The following CCSER1 variants were observed in gnomAD, a reference collection of about 807,000 sequenced individuals.
The protein encoded by CCSER1 is coiled-coil serine rich protein 1.
CCSER1 carries 41 observed loss-of-function variants against 82.0 expected under a neutral mutation model. The ratio of observed to expected loss-of-function variants is 0.50; its 90% CI spans 0.39 to 0.65. The LOEUF (loss-of-function observed/expected upper bound fraction) is 0.65. Ranked by LOEUF, CCSER1 falls within the 30% of genes least tolerant of loss-of-function variation. CCSER1 has a pLI of 0.00. For missense variants in CCSER1, 1,119 were observed against 1,064.2 expected, an observed-to-expected ratio of 1.05 and a Z score of -0.72; for synonymous variants, 414 against 383.9, an observed-to-expected ratio of 1.08 and a Z score of -0.92.
intron 5 of CCSER1, among the ~76,000 whole-genome samples, chr4:90,558,063 A>G (rs1339177429): frequency 6.6e-6 from 1 of 152,168 alleles, no homozygotes; most frequent in African/African-American, 2.4e-5. Context: ...AAAATATGCA[A>G]CTAAGAAGGT....
At chr4:91,505,163 C>G (rs1759419983) in intron 10 of CCSER1, among the ~76,000 whole-genome samples, 3 of 152,168 alleles carry the variant, frequency 2.0e-5, no homozygotes, top group African/African-American at 7.2e-5. Context: ...CATCGTTCAG[C>G]TTCTCCCACT....
At chr4:90,307,433 T>C (rs1271097399) in intron 1 of CCSER1, among the ~76,000 whole-genome samples, 2 of 148,086 alleles carry the variant, frequency 1.4e-5, no homozygotes, top group Non-Finnish European at 3.0e-5. Context: ...CTATGTTATA[T>C]CCTTGTGATT....
chr4:90,906,779 G>T (rs1266724639), intron 8 of CCSER1, among the ~76,000 whole-genome samples: 1 of 151,818 alleles, frequency 6.6e-6, no homozygotes, highest in Non-Finnish European at 1.5e-5. Context: ...GTGATGCAAG[G>T]GTTCTGGTTT....
At chr4:91,056,208 GT>G (rs906416822) in intron 9 of CCSER1, among the ~76,000 whole-genome samples, 1 of 151,830 alleles carries the variant, frequency 6.6e-6, no homozygotes, top group Middle Eastern at 3.2e-3. Flanking sequence ...TTGTTGGTTT[GT>G]TTTTTCCTTT....
At chr4:90,705,366 G>A (rs1214073261) in intron 6 of CCSER1, among the ~76,000 whole-genome samples, 1 of 152,216 alleles carries the variant, frequency 6.6e-6, no homozygotes, top group Non-Finnish European at 1.5e-5. Flanking sequence ...GGCCATGTGA[G>A]TTGTCAGTCT....
chr4:90,466,033 T>G (rs767330427), intron 4 of CCSER1, among the ~76,000 whole-genome samples: 3 of 152,206 alleles, frequency 2.0e-5, no homozygotes, highest in Non-Finnish European at 4.4e-5. Context: ...AGAATGGCTT[T>G]GGTAGGCAGA....
chr4:91,361,649 G>A lies in CCSER1; in HGVS notation c.2218-236923G>A, dbSNP rs75847309. On this transcript the variant is annotated intron_variant, in intron 10 of 10. Coordinates refer to ENST00000509176, the MANE Select transcript of CCSER1 (RefSeq NM_001145065.2). ...CTTATTAACAGAGACTGCAAGTAGA[G>A]AATAATCATTATATTAGCAAGTAAG... Among the ~76,000 whole-genome samples, 9 of 151,736 alleles carry A rather than the reference G, an allele frequency of 5.9e-5. No homozygotes were observed. In the East Asian group the frequency reaches 1.7e-3, roughly 29 times the overall value.
chr4:91,564,103 C>T (rs896571026), intron 10 of CCSER1, among the ~76,000 whole-genome samples: 1 of 151,862 alleles, frequency 6.6e-6, no homozygotes, highest in South Asian at 2.1e-4. Flanking sequence ...AAGTTCTTAT[C>T]ATTTAGCTCC....
chr4:90,966,618 A>G (rs1734587970), intron 9 of CCSER1, among the ~76,000 whole-genome samples: 1 of 152,158 alleles, frequency 6.6e-6, no homozygotes, highest in Non-Finnish European at 1.5e-5. Context: ...CTGAAAGAGA[A>G]GGACAATAAA....
At chr4:91,570,485 G>A (rs1763122501) in intron 10 of CCSER1, among the ~76,000 whole-genome samples, 1 of 152,200 alleles carries the variant, frequency 6.6e-6, no homozygotes, top group Non-Finnish European at 1.5e-5. Context: ...TTGAAATCTA[G>A]GTGGAGGTTC....
chr4:91,145,657 C>A lies in CCSER1; in HGVS notation c.2217+59663C>A, dbSNP rs546098685. 3.2e-4 allele frequency among the ~76,000 whole-genome samples: 48 copies of A among 152,148 alleles called. No homozygotes were observed. The South Asian group carries it at 4.2e-3, about 13-fold the overall frequency. On this transcript the variant is annotated intron_variant, in intron 10 of 10. Coordinates refer to ENST00000509176, the MANE Select transcript of CCSER1 (RefSeq NM_001145065.2). ...GTAATGCTTGTATAGTGGTAATAGACTCTCTTATTGCTTGCATGCCTGACA... is the reference window on the plus strand; with the variant it reads ...GTAATGCTTGTATAGTGGTAATAGAATCTCTTATTGCTTGCATGCCTGACA...
chr4:91,002,950 G>A (rs1561461973), intron 9 of CCSER1, among the ~76,000 whole-genome samples: 2 of 152,266 alleles, frequency 1.3e-5, no homozygotes, highest in South Asian at 2.1e-4. Context: ...TTCCCTTGAT[G>A]TAGTACTCTC....
At chr4:90,998,939 T>C (rs1737751743) in intron 9 of CCSER1, among the ~76,000 whole-genome samples, 1 of 152,152 alleles carries the variant, frequency 6.6e-6, no homozygotes, top group Non-Finnish European at 1.5e-5. Flanking sequence ...TTTATGTCCA[T>C]GAGTACCCAG....
intron 6 of CCSER1, among the ~76,000 whole-genome samples, chr4:90,722,639 A>C (rs1417927269): frequency 6.6e-6 from 1 of 151,744 alleles, no homozygotes; most frequent in Non-Finnish European, 1.5e-5. Flanking sequence ...TTTTTACCTA[A>C]TTTCCTTCTT....
At chr4:90,736,487 G>T (rs940204622) in intron 7 of CCSER1, among the ~76,000 whole-genome samples, 4 of 151,564 alleles carry the variant, frequency 2.6e-5, no homozygotes, top group Non-Finnish European at 4.4e-5. Context: ...TATATTTTTT[G>T]TCTTGAAATC....
chr4:90,749,170 G>A (rs1748103887), intron 7 of CCSER1, among the ~76,000 whole-genome samples: 1 of 150,678 alleles, frequency 6.6e-6, no homozygotes, highest in Non-Finnish European at 1.5e-5. Flanking sequence ...TATGGTTTTA[G>A]GTCTAACGTT....
At chr4:90,534,716 A>G (rs529910158) in intron 5 of CCSER1, among the ~76,000 whole-genome samples, 52 of 152,336 alleles carry the variant, frequency 3.4e-4, no homozygotes, top group Non-Finnish European at 6.9e-4. Flanking sequence ...TTGCACTGCA[A>G]GGAAGAAATA....
At chr4:90,362,000 A>G (rs2153519001) in intron 3 of CCSER1, among the ~76,000 whole-genome samples, 1 of 152,310 alleles carries the variant, frequency 6.6e-6, no homozygotes, top group South Asian at 2.1e-4. Context: ...CTAGTGCAAA[A>G]GTCAGGCAGG....
chr4:91,254,007 T>G lies in CCSER1; in HGVS notation c.2217+168013T>G, dbSNP rs147900100. Among the ~76,000 whole-genome samples, 950 of 152,208 alleles carry G rather than the reference T, an allele frequency of 6.2e-3. 10 individuals are homozygous for G. Among genetic ancestry groups the G allele is most frequent in the African/African-American group, 0.021 (885 of 41,532 alleles). On this transcript the variant is annotated intron_variant, in intron 10 of 10. Transcript: ENST00000509176. ...TCCCACCAGGCCCCACCTCCAACAT[T>G]GGGGATTGCAATTCAACATGAGATT...
Sources: allele counts gnomAD v4.1 joint callset (sites outside exome capture counted in the v4.1 genomes callset), GRCh38; gene constraint gnomAD v4.1.1; transcripts MANE v1.5; gene names NCBI Gene and HGNC (gene_info 2026-07-23, HGNC 2026-07-21).